REL: variants seen among roughly 807,000 people sequenced by gnomAD.
REL encodes the protein proto-oncogene c-Rel.
In REL, 15 loss-of-function variants were observed where a neutral mutation model predicts 45.9. That is an observed-to-expected ratio of 0.33 (90% CI 0.22 to 0.50). The LOEUF (loss-of-function observed/expected upper bound fraction) is 0.50. REL is among the 20% of genes least tolerant of loss of function. REL has a pLI of 0.98. For missense variants in REL, 601 were observed against 715.2 expected, an observed-to-expected ratio of 0.84 and a Z score of 1.82; for synonymous variants, 239 against 242.1, an observed-to-expected ratio of 0.99 and a Z score of 0.12.
chr2:60,884,057 T>A (rs925006531), intron 1 of REL, among the ~76,000 whole-genome samples: 1 of 149,434 alleles, frequency 6.7e-6, no homozygotes, highest in Non-Finnish European at 1.5e-5. Context: ...AATTCTAAAT[T>A]CCTATTCTGT....
At chr2:60,893,919 A>G (rs1673284324) in intron 2 of REL, among the ~76,000 whole-genome samples, 1 of 152,184 alleles carries the variant, frequency 6.6e-6, no homozygotes, top group Non-Finnish European at 1.5e-5. Context: ...TCTAGAGTAA[A>G]CACTTGGGGT....
intron 5 of REL, among the ~76,000 whole-genome samples, chr2:60,917,761 G>C (rs182149483): frequency 3.3e-5 from 5 of 151,428 alleles, no homozygotes; most frequent in Non-Finnish European, 7.4e-5. Flanking sequence ...TCCACCAATG[G>C]TGTATGATAT....
chr2:60,911,234 A>G (rs1673804380), intron 4 of REL: 1 of 152,226 alleles, frequency 6.6e-6, no homozygotes, highest in African/African-American at 2.4e-5. Flanking sequence ...AACTATAATT[A>G]TTTGAAATTA....
rs1573349213 is a variant in REL at position 60,922,438 on chromosome 2, G to T, written c.1667G>T (p.Ser556Ile). 12 of 1,613,904 alleles carry T rather than the reference G, an allele frequency of 7.4e-6. No homozygotes were observed. In the East Asian group the frequency reaches 2.0e-4, roughly 27 times the overall value. Residue 556 changes from serine (S) to isoleucine (I), a missense_variant, in exon 10 of 10, where the codon AGT becomes ATT. Ser to Ile is a moderately radical substitution (Grantham distance 142). Transcript: ENST00000394479. Reference protein sequence around the residue: ...SGPSNSTNPNSHGFVQDSQYS... With the variant: ...SGPSNSTNPNIHGFVQDSQYS... The stretch of plus-strand genomic sequence containing the variant: ...CCATCAAACAGTACTAATCCAAACA[G>T]TCATGGTTTTGTTCAAGATAGTCAG...
rs1460557137 is a variant in REL at position 60,922,353 on chromosome 2, G to C, written c.1582G>C (p.Asp528His). 3 of 1,614,096 alleles carry C rather than the reference G, an allele frequency of 1.9e-6. No individual in the cohort carries two copies. The highest frequency in any genetic ancestry group is 1.3e-5 in the African/African-American group (1 of 75,014). The stretch of plus-strand genomic sequence containing the variant: ...TACTACTGTTTTTGTTTCACAATCA[G>C]ATGCATTTGAGGGATCTGACTTCAG... ...SNTTVFVSQS[D>H]AFEGSDFSCA... The change falls in exon 10 of 10, where the codon GAT (aspartate) becomes CAT (histidine). Residue 528 changes from aspartate (D) to histidine (H), a missense_variant. Physicochemically the swap from Asp to His is moderately conservative, Grantham distance 81 (BLOSUM62 -1). Coordinates refer to ENST00000394479, the MANE Select transcript of REL (RefSeq NM_001291746.2).
intron 4 of REL, among the ~76,000 whole-genome samples, chr2:60,901,814 A>C (rs1476657832): frequency 1.3e-5 from 2 of 152,218 alleles, no homozygotes; most frequent in African/African-American, 4.8e-5. Context: ...GCATAGAAAT[A>C]ATAGAAATCA....
At chr2:60,912,749 A>AT (rs1374764624) in intron 4 of REL, among the ~76,000 whole-genome samples, 95 of 152,194 alleles carry the variant, frequency 6.2e-4, no homozygotes, top group African/African-American at 2.1e-3. Flanking sequence ...TAAAATAAAA[A>AT]TGTATAATTA....
intron 1 of REL, among the ~76,000 whole-genome samples, chr2:60,883,185 C>T (rs758222715): frequency 2.6e-5 from 4 of 152,158 alleles, no homozygotes; most frequent in Non-Finnish European, 4.4e-5. Context: ...GAACTTGACT[C>T]TTATCCCCAA....
At chr2:60,887,508 C>T (rs545348487) in intron 1 of REL, among the ~76,000 whole-genome samples, 47 of 151,908 alleles carry the variant, frequency 3.1e-4, no homozygotes, top group Non-Finnish European at 6.3e-4. Context: ...CTTCAAGTAG[C>T]TTGAAGAAAT....
intron 2 of REL, among the ~76,000 whole-genome samples, chr2:60,892,811 G>GTGGC (rs1558791330): frequency 6.6e-6 from 1 of 150,802 alleles, no homozygotes; most frequent in East Asian, 2.0e-4. Flanking sequence ...CTGGAGGGCA[G>GTGGC]TGGCGTGATC....
At chr2:60,886,420 T>C (rs1340440225) in intron 1 of REL, among the ~76,000 whole-genome samples, 1 of 152,188 alleles carries the variant, frequency 6.6e-6, no homozygotes, top group Non-Finnish European at 1.5e-5. Flanking sequence ...TTACCTCCAG[T>C]TGCTTTTATG....
intron 3 of REL, chr2:60,899,222 A>G (rs1355615149): frequency 2.0e-5 from 3 of 152,258 alleles, no homozygotes; most frequent in Non-Finnish European, 4.4e-5. Flanking sequence ...ATAGTGGCTC[A>G]TGCCTATAAT....
At chr2:60,910,482 C>A (rs72807482) in intron 4 of REL, among the ~76,000 whole-genome samples, 39 of 138,222 alleles carry the variant, frequency 2.8e-4, no homozygotes, top group East Asian at 8.7e-4. Flanking sequence ...AAACAAAAAA[C>A]AAAAAAAAAA....
At chr2:60,909,762 A>G (rs894913988) in intron 4 of REL, among the ~76,000 whole-genome samples, 1 of 152,172 alleles carries the variant, frequency 6.6e-6, no homozygotes, top group African/African-American at 2.4e-5. Flanking sequence ...TTAGCTGGGC[A>G]TGGTGGCGTG....
At position 60,891,718 on chromosome 2, in the gene REL, C is replaced by T. The variant is rs751670419; in HGVS notation, c.46C>T (p.Pro16Ser). ...YNPYIEIIEQ[P>S]RQRGMRFRYK... Reference sequence around the variant, plus strand: ...CCCGTATATAGAGATAATTGAACAACCCAGGCAGAGGGGAATGCGTTTTAG... The same window carrying T: ...CCCGTATATAGAGATAATTGAACAATCCAGGCAGAGGGGAATGCGTTTTAG... The change falls in exon 2 of 10, where the codon CCC becomes TCC. Residue 16 changes from proline (P) to serine (S), a missense_variant. By Grantham distance (74) the Pro-to-Ser change is moderately conservative. This residue lies in a region of REL where 2 missense variants were observed against 16.9 expected (regional missense o/e 0.12). Transcript: ENST00000394479. 6.2e-7 allele frequency: 1 copy of T among 1,613,894 alleles called. No individual in the cohort carries two copies. Among genetic ancestry groups the T allele is most frequent in the Non-Finnish European group, 8.5e-7 (1 of 1,179,912 alleles).
At position 60,918,384 on chromosome 2, in the gene REL, T is replaced by C; in HGVS notation, c.641-10T>C. The C allele has an allele frequency of 2.5e-6, 4 of 1,608,924 alleles. No individual in the cohort carries two copies. The highest frequency in any genetic ancestry group is 3.4e-6 in the Non-Finnish European group (4 of 1,177,658). The stretch of plus-strand genomic sequence containing the variant: ...TCCCATTTTTTTTTTTTTGGTTTCT[T>C]ATTGACTAGATGACATAGAAGTTCG... On this transcript the variant is annotated splice_polypyrimidine_tract_variant and intron_variant, in intron 6 of 9. Transcript: ENST00000394479.
chr2:60,926,167 T>C lies in REL; in HGVS notation c.*3632T>C, dbSNP rs969658697. 8.6e-6 allele frequency: 2 copies of C among 231,518 alleles called. No homozygotes were observed. The highest frequency in any genetic ancestry group is 1.7e-5 in the Non-Finnish European group (2 of 116,656). 14.3% of individuals were successfully genotyped at this position (231,518 alleles called of 1,614,324 possible). A position where few individuals can be genotyped will look rare whatever the true frequency, so the allele number is the denominator to read the frequency against. On this transcript the variant is annotated 3_prime_UTR_variant, in exon 10 of 10. Coordinates refer to ENST00000394479, the MANE Select transcript of REL (RefSeq NM_001291746.2). ...CCTTTCTCTGCCAGGCTGTGTTTACTTTATCCTTACATCACCACTTAGTGA... is the reference window on the plus strand; with the variant it reads ...CCTTTCTCTGCCAGGCTGTGTTTACCTTATCCTTACATCACCACTTAGTGA...
rs756688997 is a variant in REL, at chr2:60,922,477, G to GCAGC, written c.1709_1710insCCAG (p.Met571GlnfsTer5). ...CAAGATAGTCAGTATTCAGGTATTGGCAGTATGCAAAATGAGCAATTGAGT... is the reference window on the plus strand; with the variant it reads ...CAAGATAGTCAGTATTCAGGTATTGGCAGCCAGTATGCAAAATGAGCAATTGAGT... On this transcript the variant is annotated frameshift_variant, in exon 10 of 10. Coordinates refer to ENST00000394479, the MANE Select transcript of REL (RefSeq NM_001291746.2). LOFTEE classifies it high-confidence loss of function. 17 of 1,612,684 alleles carry GCAGC rather than the reference G, an allele frequency of 1.1e-5. No individual in the cohort carries two copies. Among genetic ancestry groups the GCAGC allele is most frequent in the Non-Finnish European group, 1.4e-5 (16 of 1,179,608 alleles).
chr2:60,901,763 T>G (rs1673504738), intron 4 of REL, among the ~76,000 whole-genome samples: 1 of 152,148 alleles, frequency 6.6e-6, no homozygotes, highest in South Asian at 2.1e-4. Context: ...TGGAGTGCAT[T>G]TAGCTCAAGG....
Sources: gnomAD v4.1 joint callset for allele counts (sites outside exome capture counted in the v4.1 genomes callset) on GRCh38, gnomAD v4.1.1 for gene constraint, gnomAD v4.1.1 regional missense constraint, MANE v1.5 for transcripts, NCBI Gene and HGNC (gene_info 2026-07-23, HGNC 2026-07-21) for gene names.